Variants in CNTNAP5 observed in about 807,000 individuals in gnomAD.
The protein encoded by CNTNAP5 is contactin associated protein family member 5.
A neutral mutation model predicts 150.2 loss-of-function variants in CNTNAP5; 72 were observed. The observed-to-expected ratio is 0.48, with a 90% CI of 0.40 to 0.58. CNTNAP5 has a LOEUF of 0.58. Ranked by LOEUF, CNTNAP5 falls within the 20% of genes least tolerant of loss-of-function variation. The pLI, the probability that CNTNAP5 is intolerant of heterozygous loss-of-function variation, is 0.00. For synonymous variants in CNTNAP5, 672 were observed against 619.8 expected (o/e 1.08, Z -1.25); for missense variants, 1,636 against 1,626.2 (o/e 1.01, Z -0.10).
chr2:124,108,041 A>G (rs1039307585), intron 1 of CNTNAP5, among the ~76,000 whole-genome samples: 15 of 152,228 alleles, frequency 9.9e-5, no homozygotes, highest in Non-Finnish European at 2.1e-4. Flanking sequence ...GCATTTTTAC[A>G]TAAACAGTGG....
chr2:124,162,772 T>C (rs1235625905), intron 1 of CNTNAP5, among the ~76,000 whole-genome samples: 1 of 152,200 alleles, frequency 6.6e-6, no homozygotes, highest in Non-Finnish European at 1.5e-5. Context: ...TCTATATGCC[T>C]ATGTGAATCA....
intron 3 of CNTNAP5, among the ~76,000 whole-genome samples, chr2:124,392,864 G>A (rs1423196492): frequency 2.0e-5 from 3 of 151,992 alleles, no homozygotes; most frequent in Non-Finnish European, 4.4e-5. Context: ...TTATAAAGAA[G>A]CACCTTTGGT....
At chr2:124,050,431 T>C (rs1325760510) in intron 1 of CNTNAP5, among the ~76,000 whole-genome samples, 1 of 151,904 alleles carries the variant, frequency 6.6e-6, no homozygotes. Flanking sequence ...AACAGTGCAC[T>C]ACAGCCTGGG....
At chr2:124,478,691 T>C (rs183765106) in intron 7 of CNTNAP5, among the ~76,000 whole-genome samples, 8 of 152,306 alleles carry the variant, frequency 5.3e-5, no homozygotes, top group African/African-American at 1.7e-4. Context: ...AAATCAGCTT[T>C]GCTCCATCAC....
chr2:124,091,801 A>C (rs1682819829), intron 1 of CNTNAP5, among the ~76,000 whole-genome samples: 1 of 152,150 alleles, frequency 6.6e-6, no homozygotes, highest in Admixed American at 6.5e-5. Flanking sequence ...CTGTGCCCTG[A>C]GATTCTTAGG....
At chr2:124,852,235 C>T (rs571196110) in intron 19 of CNTNAP5, among the ~76,000 whole-genome samples, 1 of 152,264 alleles carries the variant, frequency 6.6e-6, no homozygotes, top group East Asian at 1.9e-4. Flanking sequence ...TCAATTATGA[C>T]TGACAGCTTG....
intron 10 of CNTNAP5, among the ~76,000 whole-genome samples, chr2:124,550,211 C>T (rs1253421097): frequency 6.6e-6 from 1 of 152,054 alleles, no homozygotes; most frequent in African/African-American, 2.4e-5. Flanking sequence ...CACAAGAGAG[C>T]CCAAAACAAG....
chr2:124,198,683 T>A (rs1685648235), intron 1 of CNTNAP5, among the ~76,000 whole-genome samples: 1 of 152,170 alleles, frequency 6.6e-6, no homozygotes, highest in African/African-American at 2.4e-5. Context: ...TCTGACATTT[T>A]AAATTCTCTG....
chr2:124,039,715 C>A (rs994459762), intron 1 of CNTNAP5, among the ~76,000 whole-genome samples: 1 of 152,118 alleles, frequency 6.6e-6, no homozygotes, highest in South Asian at 2.1e-4. Context: ...ACACTGCGCT[C>A]TCTCCTCCCC....
chr2:124,711,025 C>A (rs1391106506), intron 13 of CNTNAP5, among the ~76,000 whole-genome samples: 1 of 152,126 alleles, frequency 6.6e-6, no homozygotes, highest in Non-Finnish European at 1.5e-5. Context: ...GTAATCCCCG[C>A]ACTTTGGGAG....
At chr2:124,223,197 C>A (rs974266895) in intron 2 of CNTNAP5, among the ~76,000 whole-genome samples, 1 of 152,116 alleles carries the variant, frequency 6.6e-6, no homozygotes, top group African/African-American at 2.4e-5. Flanking sequence ...CCTAGGTTAT[C>A]TGAATTCAAA....
chr2:124,140,045 C>T (rs1440602118), intron 1 of CNTNAP5, among the ~76,000 whole-genome samples: 1 of 152,046 alleles, frequency 6.6e-6, no homozygotes, highest in Admixed American at 6.6e-5. Context: ...CCTGGAAAAT[C>T]GGGTCACTCC....
intron 1 of CNTNAP5, among the ~76,000 whole-genome samples, chr2:124,155,440 G>A (rs1319935834): frequency 2.0e-5 from 3 of 151,958 alleles, no homozygotes; most frequent in African/African-American, 4.8e-5. Flanking sequence ...TAAATGAATA[G>A]CGTGTGTGTG....
intron 3 of CNTNAP5, among the ~76,000 whole-genome samples, chr2:124,339,766 A>T (rs1689564487): frequency 6.6e-6 from 1 of 152,052 alleles, no homozygotes; most frequent in Non-Finnish European, 1.5e-5. Context: ...TTGGAAGGTT[A>T]GGTTTTTGTA....
At chr2:124,058,360 C>T (rs1421678138) in intron 1 of CNTNAP5, among the ~76,000 whole-genome samples, 5 of 152,162 alleles carry the variant, frequency 3.3e-5, no homozygotes, top group African/African-American at 1.2e-4. Flanking sequence ...TCTGGTCCAT[C>T]ATGCCATCAT....
chr2:124,536,752 G>A (rs1448017776), intron 10 of CNTNAP5, among the ~76,000 whole-genome samples: 3 of 152,102 alleles, frequency 2.0e-5, no homozygotes, highest in Non-Finnish European at 4.4e-5. Context: ...GGAACTTGAA[G>A]AGCAGGTTGG....
chr2:124,716,418 C>A (rs565753750), intron 13 of CNTNAP5, among the ~76,000 whole-genome samples: 3 of 152,066 alleles, frequency 2.0e-5, no homozygotes, highest in South Asian at 4.2e-4. Flanking sequence ...TTATAGAACA[C>A]CTGCTTCTGT....
intron 21 of CNTNAP5, among the ~76,000 whole-genome samples, chr2:124,888,187 G>A (rs972982405): frequency 6.6e-6 from 1 of 152,066 alleles, no homozygotes; most frequent in African/African-American, 2.4e-5. Context: ...TTATTAGTGA[G>A]AACATGCAGT....
At chr2:124,589,060 C>T (rs1050001492) in intron 11 of CNTNAP5, among the ~76,000 whole-genome samples, 3 of 152,122 alleles carry the variant, frequency 2.0e-5, no homozygotes, top group Non-Finnish European at 2.9e-5. Flanking sequence ...ATACATTTCT[C>T]CTATTTAAAG....
Sources: allele counts gnomAD v4.1 joint callset (sites outside exome capture counted in the v4.1 genomes callset), GRCh38; gene constraint gnomAD v4.1.1; transcripts MANE v1.5; gene names NCBI Gene and HGNC (gene_info 2026-07-23, HGNC 2026-07-21).